CYP4X1: variants seen among roughly 807,000 people sequenced by gnomAD.
CYP4X1 encodes cytochrome P450 family 4 subfamily X member 1.
In CYP4X1, 44 loss-of-function variants were observed where a neutral mutation model predicts 57.9. That is an observed-to-expected ratio of 0.76 (90% CI 0.60 to 0.98). The LOEUF is 0.98. Among genes scored for constraint, CYP4X1 ranks in the 50% least tolerant of loss-of-function variants. CYP4X1 has a pLI of 0.00. For synonymous variants in CYP4X1, 227 were observed against 228.6 expected, an observed-to-expected ratio of 0.99 and a Z score of 0.06; for missense variants, 532 against 623.9, an observed-to-expected ratio of 0.85 and a Z score of 1.57.
At chr1:46,997,150 A>ATTT in the CYP4X1 span, among the ~76,000 whole-genome samples, 3 of 151,840 alleles carry the variant, frequency 2.0e-5, no homozygotes, top group Admixed American at 1.3e-4. Flanking sequence ...ATGCAGAAGT[A>ATTT]TTTTTTTTGT....
the CYP4X1 span, among the ~76,000 whole-genome samples, chr1:46,990,230 G>T: frequency 3.3e-5 from 5 of 152,198 alleles, no homozygotes; most frequent in Non-Finnish European, 1.5e-5. Flanking sequence ...CCACCAAAAA[G>T]TGGGTGAAGG....
Position 47,030,140 on chromosome 1 carries a change from AG to A in CYP4X1, c.319+14del, listed in dbSNP as rs1227652754. On this transcript the variant is annotated intron_variant, in intron 2 of 11. Transcript: ENST00000371901. ...ACTTCTGAGCAGAACAGGTAAGAAG[AG>A]GGGGAAAGCTCTGGGACCTATTCCT... 3.7e-6 allele frequency: 6 copies of A among 1,606,334 alleles called. No individual in the cohort carries two copies. Among genetic ancestry groups the A allele is most frequent in the Non-Finnish European group, 4.3e-6 (5 of 1,175,226 alleles).
intron 8 of CYP4X1, among the ~76,000 whole-genome samples, chr1:47,043,496 T>G (rs1215005193): frequency 1.3e-5 from 2 of 152,128 alleles, no homozygotes; most frequent in Non-Finnish European, 2.9e-5. Flanking sequence ...TGTTGTTGTT[T>G]TTTGGGGTTG....
At chr1:47,053,793 A>T (rs528214653), downstream of CYP4X1, among the ~76,000 whole-genome samples, 9 of 152,134 alleles carry the variant, frequency 5.9e-5, no homozygotes, top group South Asian at 1.9e-3. Flanking sequence ...AATTTGTTTG[A>T]GTTCATTGTA....
At chr1:46,961,766 C>T in the CYP4X1 span, 86 of 1,310,430 alleles carry the variant, frequency 6.6e-5, 1 homozygote, top group South Asian at 1.0e-3. Flanking sequence ...GGTGAGTAAG[C>T]ACCTGCCTTT....
chr1:47,023,590 A>G, upstream of CYP4X1: 1 of 1,314,626 alleles, frequency 7.6e-7, no homozygotes, highest in Non-Finnish European at 9.7e-7. Flanking sequence ...GGCCGAACGA[A>G]GCGTGCGCGC....
the CYP4X1 span, among the ~76,000 whole-genome samples, chr1:46,976,144 A>G: frequency 6.6e-6 from 1 of 152,138 alleles, no homozygotes; most frequent in Non-Finnish European, 1.5e-5. Context: ...AGGGTGGGGC[A>G]TCACCTCACC....
intron 3 of CYP4X1, among the ~76,000 whole-genome samples, chr1:47,032,711 A>G (rs1428673823): frequency 6.6e-6 from 1 of 151,852 alleles, no homozygotes; most frequent in Non-Finnish European, 1.5e-5. Flanking sequence ...CAGAGTGGAC[A>G]CTCTTGTCTC....
At chr1:46,981,687 G>T in the CYP4X1 span, among the ~76,000 whole-genome samples, 2 of 152,224 alleles carry the variant, frequency 1.3e-5, no homozygotes, top group African/African-American at 4.8e-5. Context: ...GCACATGTAT[G>T]TTTATTGCGG....
chr1:47,045,711 A>G (rs983997599), intron 8 of CYP4X1, among the ~76,000 whole-genome samples: 1 of 152,222 alleles, frequency 6.6e-6, no homozygotes, highest in African/African-American at 2.4e-5. Flanking sequence ...GATCATGCCA[A>G]AGGGCTTGGT....
the CYP4X1 span, chr1:46,967,805 G>A: frequency 6.1e-3 from 8,355 of 1,361,028 alleles, 575 homozygotes; most frequent in African/African-American, 0.11. Flanking sequence ...AGCTCAAAGC[G>A]GAGCAGGGTC....
the CYP4X1 span, among the ~76,000 whole-genome samples, chr1:46,965,903 A>G: frequency 6.6e-6 from 1 of 152,118 alleles, no homozygotes; most frequent in Non-Finnish European, 1.5e-5. Flanking sequence ...CCCTGGCTGG[A>G]GTGATGGAAG....
chr1:46,980,918 T>C, the CYP4X1 span, among the ~76,000 whole-genome samples: 22 of 150,540 alleles, frequency 1.5e-4, no homozygotes, highest in African/African-American at 5.3e-4. Flanking sequence ...CTGGGAAAAC[T>C]GCCTAGCCAT....
intron 8 of CYP4X1, among the ~76,000 whole-genome samples, chr1:47,042,577 AC>A (rs947888126): frequency 6.6e-6 from 1 of 152,038 alleles, no homozygotes; most frequent in Non-Finnish European, 1.5e-5. Flanking sequence ...TATACACTGT[AC>A]CCAATTTGTA....
chr1:47,055,291 C>G (rs147832692), downstream of CYP4X1, among the ~76,000 whole-genome samples: 1 of 152,144 alleles, frequency 6.6e-6, no homozygotes, highest in Non-Finnish European at 1.5e-5. Context: ...GGTGGATAAG[C>G]TTTTTGATAT....
chr1:47,047,368 A>G (rs1644313871), intron 9 of CYP4X1, among the ~76,000 whole-genome samples: 1 of 152,182 alleles, frequency 6.6e-6, no homozygotes, highest in Non-Finnish European at 1.5e-5. Context: ...GCTTCTGGCA[A>G]ACACCTACAG....
chr1:46,987,831 AC>A, the CYP4X1 span, among the ~76,000 whole-genome samples: 9 of 152,194 alleles, frequency 5.9e-5, no homozygotes, highest in Non-Finnish European at 1.2e-4. Flanking sequence ...GCTCTTTCAA[AC>A]CAAGGAGAAC....
chr1:46,970,228 T>A, the CYP4X1 span, among the ~76,000 whole-genome samples: 1 of 152,182 alleles, frequency 6.6e-6, no homozygotes, highest in Non-Finnish European at 1.5e-5. Context: ...TTCTGACAAG[T>A]CATATTTCTA....
At chr1:46,991,269 C>T in the CYP4X1 span, among the ~76,000 whole-genome samples, 3 of 152,124 alleles carry the variant, frequency 2.0e-5, no homozygotes, top group African/African-American at 4.8e-5. Context: ...TATCAAGAAA[C>T]GAGAGCCTGG....
Sources: gnomAD v4.1 joint callset for allele counts (sites outside exome capture counted in the v4.1 genomes callset) on GRCh38, gnomAD v4.1.1 for gene constraint, MANE v1.5 for transcripts, NCBI Gene and HGNC (gene_info 2026-07-23, HGNC 2026-07-21) for gene names.